The following UGT1A10 variants were observed in gnomAD, a reference collection of about 807,000 sequenced individuals.
UGT1A10 encodes the protein UDP-glucuronosyltransferase 1A10.
In UGT1A10, 49 loss-of-function variants were observed where a neutral mutation model predicts 45.8. The ratio of observed to expected loss-of-function variants is 1.07; its 90% CI spans 0.85 to 1.36. The LOEUF (loss-of-function observed/expected upper bound fraction) is 1.36, where lower values mean the gene tolerates loss of function less well. Ranked by LOEUF, UGT1A10 falls within the 40% of genes most tolerant of loss-of-function variation. The pLI, the probability that UGT1A10 is intolerant of heterozygous loss-of-function variation, is 0.00. For synonymous variants in UGT1A10, 284 were observed against 249.7 expected (o/e 1.14, Z -1.29); for missense variants, 745 against 668.6 (o/e 1.11, Z -1.26).
At chr2:233,700,065 T>C (rs185747292) in intron 1 of UGT1A10, among the ~76,000 whole-genome samples, 116 of 152,320 alleles carry the variant, frequency 7.6e-4, no homozygotes, top group African/African-American at 2.7e-3. Context: ...TCCAGTGGTG[T>C]CTACCCAGCA....
chr2:233,721,629 A>T (rs923769431), intron 1 of UGT1A10: 2 of 200,638 alleles, frequency 1.0e-5, no homozygotes, highest in East Asian at 1.5e-4. Context: ...ATCAGTAAAG[A>T]TCATCTTGAA....
At chr2:233,709,543 G>T (rs1204039913) in intron 1 of UGT1A10, among the ~76,000 whole-genome samples, 2 of 152,024 alleles carry the variant, frequency 1.3e-5, no homozygotes, top group Non-Finnish European at 2.9e-5. Context: ...TGTGATATAT[G>T]TAAGTACTTA....
At chr2:233,681,023 T>C (rs1387868807) in intron 1 of UGT1A10, among the ~76,000 whole-genome samples, 2 of 151,718 alleles carry the variant, frequency 1.3e-5, no homozygotes, top group African/African-American at 4.8e-5. Context: ...CTCAGAAGAT[T>C]TGGAAATGAA....
chr2:233,655,024 G>T (rs2073825394), intron 1 of UGT1A10, among the ~76,000 whole-genome samples: 1 of 151,978 alleles, frequency 6.6e-6, no homozygotes. Flanking sequence ...GGAAGATGGA[G>T]GTTGCAGTGA....
intron 1 of UGT1A10, among the ~76,000 whole-genome samples, chr2:233,710,769 A>T (rs1428591995): frequency 1.3e-5 from 2 of 152,168 alleles, no homozygotes; most frequent in Non-Finnish European, 2.9e-5. Context: ...TGATTAAGTC[A>T]ATTTTAGCAA....
In UGT1A10 at chr2:233,767,044, C is replaced by A. The variant is rs758873309; in HGVS notation, c.866C>A (p.Ala289Asp). Residue 289 changes from alanine (A) to aspartate (D), a missense_variant, in exon 2 of 5, where the codon GCC becomes GAC. Ala to Asp is a moderately radical substitution (Grantham distance 126, BLOSUM62 -2). Coordinates refer to ENST00000344644, the MANE Select transcript of UGT1A10 (RefSeq NM_019075.4). ...QGKPLPMEFE[A>D]YINASGEHGI... ...TTCTTCTGGCTCTAGGAATTTGAAG[C>A]CTACATTAATGCTTCTGGAGAACAT... 1.2e-6 allele frequency: 2 copies of A among 1,613,992 alleles called. No homozygotes were observed. Among genetic ancestry groups the A allele is most frequent in the Non-Finnish European group, 1.7e-6 (2 of 1,179,984 alleles).
intron 1 of UGT1A10, among the ~76,000 whole-genome samples, chr2:233,644,520 C>T (rs765834737): frequency 6.6e-6 from 1 of 152,092 alleles, no homozygotes; most frequent in Non-Finnish European, 1.5e-5. Context: ...AAGATCATAC[C>T]ACTGCACTCC....
chr2:233,718,647 A>G, intron 1 of UGT1A10: 1 of 1,497,740 alleles, frequency 6.7e-7, no homozygotes, highest in Non-Finnish European at 8.9e-7. Flanking sequence ...TTGGGCCCAT[A>G]ACGAAAGGCA....
intron 1 of UGT1A10, among the ~76,000 whole-genome samples, chr2:233,656,068 T>C (rs1404792004): frequency 6.6e-6 from 1 of 151,754 alleles, no homozygotes; most frequent in Non-Finnish European, 1.5e-5. Context: ...AGGGATGGGG[T>C]AGGAGCTTTA....
intron 1 of UGT1A10, chr2:233,761,188 C>A: frequency 6.2e-7 from 1 of 1,614,130 alleles, no homozygotes; most frequent in Non-Finnish European, 8.5e-7. Context: ...TGCGTATATT[C>A]TTTCAGATGT....
chr2:233,756,324 A>G lies in UGT1A10; in HGVS notation c.856-10710A>G, dbSNP rs548800161. On this transcript the variant is annotated intron_variant, in intron 1 of 4. Coordinates refer to ENST00000344644, the MANE Select transcript of UGT1A10 (RefSeq NM_019075.4). The stretch of plus-strand genomic sequence containing the variant: ...ATAACCTACCCATATCCTCCTTTAA[A>G]CCTCTAGTCATCTCTTGATTACTTT... 5.1e-4 allele frequency: 77 copies of G among 152,086 alleles called. 1 individual carries two copies. Among genetic ancestry groups the G allele is most frequent in the Middle Eastern group, 3.4e-3 (1 of 294 alleles). 9.4% of individuals were successfully genotyped at this position (152,086 alleles called of 1,614,324 possible).
intron 1 of UGT1A10, among the ~76,000 whole-genome samples, chr2:233,683,538 A>G (rs964692013): frequency 1.3e-5 from 2 of 152,182 alleles, no homozygotes; most frequent in African/African-American, 4.8e-5. Context: ...TTTTCACTAA[A>G]TGAGTGAGAT....
At chr2:233,706,910 C>G (rs1427558668) in intron 1 of UGT1A10, among the ~76,000 whole-genome samples, 1 of 152,188 alleles carries the variant, frequency 6.6e-6, no homozygotes. Flanking sequence ...ACAATCCTAG[C>G]TGCCAGAGTA....
At chr2:233,722,148 A>T (rs2076994067) in intron 1 of UGT1A10, 1 of 162,512 alleles carries the variant, frequency 6.2e-6, no homozygotes, top group Non-Finnish European at 1.3e-5. Flanking sequence ...CTCCTGCAGG[A>T]CAAGATGTGT....
At chr2:233,731,044 G>A (rs190874066) in intron 1 of UGT1A10, among the ~76,000 whole-genome samples, 22 of 152,218 alleles carry the variant, frequency 1.4e-4, no homozygotes, top group African/African-American at 3.4e-4. Context: ...CATATTCACC[G>A]AATGTGTATG....
intron 1 of UGT1A10, among the ~76,000 whole-genome samples, chr2:233,664,646 A>G (rs560989929): frequency 6.6e-6 from 1 of 152,282 alleles, no homozygotes; most frequent in East Asian, 1.9e-4. Flanking sequence ...ACTTGACCAT[A>G]TCTTGTGAAT....
chr2:233,772,961 T>C lies in UGT1A10; in HGVS notation c.*402T>C, dbSNP rs1575872902. On this transcript the variant is annotated 3_prime_UTR_variant, in exon 5 of 5. Transcript: ENST00000344644. The stretch of plus-strand genomic sequence containing the variant: ...TTTGGCTTCTGCAGATGGTTGCAAT[T>C]GATCCTTAACCAATAATGGTCAGTC... 2 of 315,806 alleles carry C rather than the reference T, an allele frequency of 6.3e-6. No homozygotes were observed. Among genetic ancestry groups the C allele is most frequent in the East Asian group, 1.6e-4 (2 of 12,236 alleles). 19.6% of individuals were successfully genotyped at this position (315,806 alleles called of 1,614,324 possible).
intron 1 of UGT1A10, chr2:233,743,663 T>A (rs200311210): frequency 3.0e-5 from 41 of 1,366,854 alleles, no homozygotes; most frequent in Non-Finnish European, 3.9e-5. Context: ...CTCGAAGGGG[T>A]CCTCGAAGGG....
intron 1 of UGT1A10, among the ~76,000 whole-genome samples, chr2:233,766,588 C>T (rs1357032158): frequency 3.3e-5 from 5 of 152,174 alleles, no homozygotes; most frequent in Non-Finnish European, 5.9e-5. Flanking sequence ...GGGTGGAGCC[C>T]TCGCCAGGGA....
Sources: gnomAD v4.1 joint callset for allele counts (sites outside exome capture counted in the v4.1 genomes callset) on GRCh38, gnomAD v4.1.1 for gene constraint, MANE v1.5 for transcripts, NCBI Gene and HGNC (gene_info 2026-07-23, HGNC 2026-07-21) for gene names.